The following CACNA1E variants were observed in gnomAD, a reference collection of about 807,000 sequenced individuals.
CACNA1E encodes calcium voltage-gated channel subunit alpha1 E.
In CACNA1E, 40 loss-of-function variants were observed where a neutral mutation model predicts 259.2. The observed-to-expected ratio is 0.15, with a 90% CI of 0.12 to 0.20. The LOEUF is 0.20. Among genes scored for constraint, CACNA1E ranks in the 10% least tolerant of loss-of-function variants. CACNA1E has a pLI of 1.00. For synonymous variants in CACNA1E, 1,104 were observed against 1,138.5 expected (o/e 0.97, Z 0.61); for missense variants, 1,874 against 3,040.1 (o/e 0.62, Z 9.02).
intron 6 of CACNA1E, among the ~76,000 whole-genome samples, chr1:181,593,472 A>G (rs991957507): frequency 1.3e-5 from 2 of 152,220 alleles, no homozygotes; most frequent in Non-Finnish European, 2.9e-5. Context: ...GTTCTTGCTA[A>G]CTTGCATAAA....
chr1:181,616,286 G>T (rs1274289409), intron 6 of CACNA1E, among the ~76,000 whole-genome samples: 1 of 152,072 alleles, frequency 6.6e-6, no homozygotes, highest in Non-Finnish European at 1.5e-5. Context: ...CTTCCTTAGA[G>T]TTCACCCATG....
At chr1:181,765,642 G>T (rs1658952058) in intron 34 of CACNA1E, among the ~76,000 whole-genome samples, 1 of 152,212 alleles carries the variant, frequency 6.6e-6, no homozygotes, top group South Asian at 2.1e-4. Context: ...GATCTCCTGG[G>T]ATTCATGATG....
intron 8 of CACNA1E, among the ~76,000 whole-genome samples, chr1:181,711,843 A>G (rs1197013615): frequency 6.6e-6 from 1 of 152,158 alleles, no homozygotes; most frequent in African/African-American, 2.4e-5. Flanking sequence ...AGTGGGCAGC[A>G]ATCGTGTTTG....
At chr1:181,650,023 T>G (rs112453602) in intron 6 of CACNA1E, among the ~76,000 whole-genome samples, 12 of 152,218 alleles carry the variant, frequency 7.9e-5, no homozygotes, top group African/African-American at 2.9e-4. Flanking sequence ...AAGCTGTTGT[T>G]AATGGATGAA....
At chr1:181,588,952 A>G (rs1278764305) in intron 6 of CACNA1E, among the ~76,000 whole-genome samples, 1 of 152,248 alleles carries the variant, frequency 6.6e-6, no homozygotes, top group Non-Finnish European at 1.5e-5. Flanking sequence ...CAGTGCCAGT[A>G]TATGGCACAC....
intron 37 of CACNA1E, among the ~76,000 whole-genome samples, chr1:181,774,685 T>A (rs1266108217): frequency 6.6e-6 from 1 of 152,204 alleles, no homozygotes; most frequent in Non-Finnish European, 1.5e-5. Flanking sequence ...GGCTGTTAGG[T>A]ATGACCAGCA....
At chr1:181,678,878 CA>C (rs1649641908) in intron 7 of CACNA1E, among the ~76,000 whole-genome samples, 1 of 152,130 alleles carries the variant, frequency 6.6e-6, no homozygotes, top group Admixed American at 6.5e-5. Context: ...AAGAGATGTT[CA>C]GTAACACATA....
At chr1:181,759,140 A>C (rs991335248) in intron 32 of CACNA1E, among the ~76,000 whole-genome samples, 1 of 152,224 alleles carries the variant, frequency 6.6e-6, no homozygotes, top group Non-Finnish European at 1.5e-5. Flanking sequence ...CTAGAACTGC[A>C]ATTTATGTGT....
intron 3 of CACNA1E, among the ~76,000 whole-genome samples, chr1:181,567,972 C>A (rs1486531499): frequency 6.6e-6 from 1 of 151,984 alleles, no homozygotes; most frequent in African/African-American, 2.4e-5. Flanking sequence ...TATACACACA[C>A]ACACATCTGG....
intron 1 of CACNA1E, among the ~76,000 whole-genome samples, chr1:181,408,744 G>A (rs1657639100): frequency 6.6e-6 from 1 of 152,210 alleles, no homozygotes; most frequent in South Asian, 2.1e-4. Context: ...TGAAGAATAA[G>A]AAGAGAAGTA....
In CACNA1E at chr1:181,773,545, C is replaced by A. The variant is rs189951020; in HGVS notation, c.5139+1314C>A. Among the ~76,000 whole-genome samples the A allele has an allele frequency of 3.9e-3, 589 of 152,082 alleles. 14 individuals are homozygous for A. The East Asian group carries it at 0.057, about 15-fold the overall frequency. On this transcript the variant is annotated intron_variant, in intron 37 of 47. Coordinates refer to ENST00000367573, the MANE Select transcript of CACNA1E (RefSeq NM_001205293.3). ...GGAAGTATAATGTATAAAGAAAAAACCCCCTGAAATTTAGAATAATGCTAT... is the reference window on the plus strand; with the variant it reads ...GGAAGTATAATGTATAAAGAAAAAAACCCCTGAAATTTAGAATAATGCTAT...
chr1:181,394,354 A>G (rs1313592378), intron 1 of CACNA1E, among the ~76,000 whole-genome samples: 4 of 152,224 alleles, frequency 2.6e-5, no homozygotes. Context: ...CAGTTTCTTC[A>G]TCTGTAAAAT....
chr1:181,740,300 C>T (rs150379251), intron 25 of CACNA1E, among the ~76,000 whole-genome samples: 1 of 152,290 alleles, frequency 6.6e-6, no homozygotes, highest in East Asian at 1.9e-4. Flanking sequence ...GTTTACCCTT[C>T]TGAGTGGTTT....
At chr1:181,710,583 CA>C (rs1364318272) in intron 7 of CACNA1E, among the ~76,000 whole-genome samples, 2 of 152,142 alleles carry the variant, frequency 1.3e-5, no homozygotes, top group African/African-American at 4.8e-5. Context: ...CTATTGTTAT[CA>C]AAAGGAGAAA....
chr1:181,753,847 A>T (rs956398646), intron 27 of CACNA1E, among the ~76,000 whole-genome samples: 1 of 152,186 alleles, frequency 6.6e-6, no homozygotes, highest in Admixed American at 6.5e-5. Flanking sequence ...GTCACTTCTG[A>T]GAGGCCCCGA....
chr1:181,602,503 AGATT>A (rs1653840665), intron 6 of CACNA1E, among the ~76,000 whole-genome samples: 1 of 152,150 alleles, frequency 6.6e-6, no homozygotes, highest in Admixed American at 6.5e-5. Context: ...TTCAGATTTC[AGATT>A]TTTGGATTTG....
chr1:181,408,079 T>G (rs1342800634), intron 1 of CACNA1E, among the ~76,000 whole-genome samples: 2 of 152,196 alleles, frequency 1.3e-5, no homozygotes. Context: ...CCACTATCTC[T>G]TAGCCAATGT....
intron 3 of CACNA1E, among the ~76,000 whole-genome samples, chr1:181,513,995 C>T (rs186457007): frequency 2.6e-5 from 4 of 152,322 alleles, no homozygotes; most frequent in African/African-American, 9.6e-5. Flanking sequence ...CTGCTTAGCC[C>T]TCTTCTCAGC....
rs536728483 is a variant in CACNA1E at position 181,515,982 on chromosome 1, CCTGGCTGAGCCAGG to C, written c.512+4474_512+4487del. Among the ~76,000 whole-genome samples, 159 of 152,274 alleles carry C rather than the reference CCTGGCTGAGCCAGG, an allele frequency of 1.0e-3. 2 individuals are homozygous for C. In the South Asian group the frequency reaches 0.021, roughly 20 times the overall value. ...GTCTGTTCCCAGCCTTCCCCCTTGGCCTGGCTGAGCCAGGCAGTGTCTATGTCTCTCTCATCTCT... is the reference window on the plus strand; with the variant it reads ...GTCTGTTCCCAGCCTTCCCCCTTGGCCAGTGTCTATGTCTCTCTCATCTCT... On this transcript the variant is annotated intron_variant, in intron 3 of 47. Coordinates refer to ENST00000367573, the MANE Select transcript of CACNA1E (RefSeq NM_001205293.3).
Sources: allele counts gnomAD v4.1 joint callset (sites outside exome capture counted in the v4.1 genomes callset), GRCh38; gene constraint gnomAD v4.1.1; transcripts MANE v1.5; gene names NCBI Gene and HGNC (gene_info 2026-07-23, HGNC 2026-07-21).